NDUFA10: variants seen among roughly 807,000 people sequenced by gnomAD.
NDUFA10 encodes the protein NADH:ubiquinone oxidoreductase subunit A10, also known as NADH dehydrogenase [ubiquinone] 1 alpha subcomplex subunit 10, mitochondrial.
NDUFA10 carries 40 observed loss-of-function variants against 47.8 expected under a neutral mutation model. The observed-to-expected ratio is 0.84, with a 90% CI of 0.65 to 1.09. The LOEUF is 1.09. Among genes scored for constraint, NDUFA10 ranks in the 50% least tolerant of loss-of-function variants. NDUFA10 has a pLI of 0.00. For missense variants in NDUFA10, 413 were observed against 451.1 expected (o/e 0.92, Z 0.76); for synonymous variants, 183 against 172.2 (o/e 1.06, Z -0.49).
chr2:239,902,441 A>G (rs1366806417), intron 4 of NDUFA10, among the ~76,000 whole-genome samples: 1 of 152,232 alleles, frequency 6.6e-6, no homozygotes, highest in Non-Finnish European at 1.5e-5. Flanking sequence ...AGGTATGCAC[A>G]TTGTTTTTGT....
intron 4 of NDUFA10, among the ~76,000 whole-genome samples, chr2:239,897,064 A>G (rs1693412173): frequency 6.6e-6 from 1 of 152,226 alleles, no homozygotes; most frequent in South Asian, 2.1e-4. Flanking sequence ...TAATTACCTT[A>G]TTTTGCAATA....
intron 4 of NDUFA10, among the ~76,000 whole-genome samples, chr2:239,943,739 T>C (rs1339758489): frequency 6.6e-6 from 1 of 152,108 alleles, no homozygotes; most frequent in Non-Finnish European, 1.5e-5. Flanking sequence ...GGCACAGCAC[T>C]GGCATCCCCT....
chr2:239,996,460 T>C (rs151212256), intron 8 of NDUFA10, among the ~76,000 whole-genome samples: 121 of 152,330 alleles, frequency 7.9e-4, no homozygotes, highest in African/African-American at 2.8e-3. Flanking sequence ...AGAAAAAGTC[T>C]CAAAATATTT....
At chr2:239,934,880 C>T (rs1437132507) in intron 4 of NDUFA10, among the ~76,000 whole-genome samples, 1 of 152,184 alleles carries the variant, frequency 6.6e-6, no homozygotes, top group African/African-American at 2.4e-5. Flanking sequence ...AACCCCACTC[C>T]CTCTCGCTCA....
At chr2:239,907,545 T>G (rs550518412) in intron 4 of NDUFA10, among the ~76,000 whole-genome samples, 1 of 152,148 alleles carries the variant, frequency 6.6e-6, no homozygotes, top group African/African-American at 2.4e-5. Flanking sequence ...TTAAACAAAT[T>G]TACAAGAAAA....
intron 4 of NDUFA10, among the ~76,000 whole-genome samples, chr2:239,916,713 C>T (rs1017208948): frequency 6.6e-6 from 1 of 152,262 alleles, no homozygotes; most frequent in Admixed American, 6.5e-5. Flanking sequence ...CAGGACGGCA[C>T]CTTGTGCTGC....
chr2:239,951,664 G>C (rs1407755957), intron 4 of NDUFA10, among the ~76,000 whole-genome samples: 1 of 152,206 alleles, frequency 6.6e-6, no homozygotes, highest in East Asian at 1.9e-4. Context: ...AAAAAACAGG[G>C]TCTAGGAAGA....
At chr2:239,977,498 C>G (rs1695579263) in intron 9 of NDUFA10, among the ~76,000 whole-genome samples, 1 of 152,226 alleles carries the variant, frequency 6.6e-6, no homozygotes, top group East Asian at 1.9e-4. Context: ...TCACAGGGAC[C>G]TGAACCACTG....
At chr2:240,007,168 T>G (rs183709834) in intron 7 of NDUFA10, 148 bp downstream of exon 7, 1 of 675,412 alleles carries the variant, frequency 1.5e-6, no homozygotes, top group African/African-American at 1.8e-5. Flanking sequence ...GGGAGTGTGA[T>G]GATGGGTTTG....
chr2:239,963,540 G>A (rs1422763028), intron 9 of NDUFA10, among the ~76,000 whole-genome samples: 1 of 152,242 alleles, frequency 6.6e-6, no homozygotes, highest in African/African-American at 2.4e-5. Context: ...TGGCCTCAAA[G>A]GGCCTGACGG....
At chr2:240,003,792 T>G (rs1696827909) in intron 8 of NDUFA10, among the ~76,000 whole-genome samples, 1 of 151,640 alleles carries the variant, frequency 6.6e-6, no homozygotes, top group Admixed American at 6.6e-5. Context: ...AGGGGGTGGG[T>G]GGTGGAGGAC....
chr2:239,974,516 T>G (rs1030028730), intron 9 of NDUFA10, among the ~76,000 whole-genome samples: 1 of 152,238 alleles, frequency 6.6e-6, no homozygotes, highest in Non-Finnish European at 1.5e-5. Context: ...CCCCTCCAAA[T>G]CTCATGCTGA....
chr2:239,963,346 AG>A (rs1056907300), intron 9 of NDUFA10, among the ~76,000 whole-genome samples: 6 of 152,206 alleles, frequency 3.9e-5, no homozygotes, highest in South Asian at 2.1e-4. Flanking sequence ...CTCCAGGGCC[AG>A]GGGGATCCCC....
chr2:239,907,243 T>G (rs1447578848), intron 4 of NDUFA10, among the ~76,000 whole-genome samples: 1 of 152,218 alleles, frequency 6.6e-6, no homozygotes, highest in Non-Finnish European at 1.5e-5. Flanking sequence ...CCTTACACCT[T>G]ATACAAAAAT....
Position 239,893,762 on chromosome 2 carries a change from C to G in NDUFA10, c.*15-1055G>C, listed in dbSNP as rs78529320. Among the ~76,000 whole-genome samples the G allele has an allele frequency of 4.0e-3, 606 of 152,330 alleles. 6 individuals are homozygous for G. Among genetic ancestry groups the G allele is most frequent in the African/African-American group, 0.014 (575 of 41,572 alleles). ...TTTGAGGGGACACACATCATTCAAACCACGCAGTGGGAGTGGGAAGCACGG... is the reference window on the plus strand; with the variant it reads ...TTTGAGGGGACACACATCATTCAAAGCACGCAGTGGGAGTGGGAAGCACGG... On this transcript the variant is annotated intron_variant, in intron 5 of 5. Transcript: ENST00000419408.
chr2:239,919,999 C>T lies in NDUFA10; in HGVS notation c.295-24685G>A, dbSNP rs149526246. ...AGGTGCAGTACTGTGTGTGCCCCAGCACCTGTGAGATTGGGGGCCCCCTCA... is the reference window on the plus strand; with the variant it reads ...AGGTGCAGTACTGTGTGTGCCCCAGTACCTGTGAGATTGGGGGCCCCCTCA... On this transcript the variant is annotated intron_variant, in intron 4 of 5. Transcript: ENST00000419408. Among the ~76,000 whole-genome samples, 713 of 152,284 alleles carry T rather than the reference C, an allele frequency of 4.7e-3. 12 individuals carry two copies. The highest frequency in any genetic ancestry group is 1.8e-3 in the Non-Finnish European group (122 of 68,002).
In NDUFA10 at chr2:239,958,031, A is replaced by G. The variant is rs1175009009; in HGVS notation, c.*3087T>C. 1 of 152,142 alleles carries G rather than the reference A, an allele frequency of 6.6e-6. No individual in the cohort carries two copies. Among genetic ancestry groups the G allele is most frequent in the Non-Finnish European group, 1.5e-5 (1 of 68,032 alleles). 9.4% of individuals were successfully genotyped at this position (152,142 alleles called of 1,614,324 possible). On this transcript the variant is annotated 3_prime_UTR_variant, in exon 10 of 10. Coordinates refer to ENST00000252711, the MANE Select transcript of NDUFA10 (RefSeq NM_004544.4). ...TGTTTTCTGGCTCATGATTTTCCTAAAGCAAAGCCTCAGGCTCCCGGCTTC... is the reference window on the plus strand; with the variant it reads ...TGTTTTCTGGCTCATGATTTTCCTAGAGCAAAGCCTCAGGCTCCCGGCTTC...
intron 4 of NDUFA10, among the ~76,000 whole-genome samples, chr2:239,902,942 G>A (rs1055274324): frequency 1.3e-5 from 2 of 152,190 alleles, no homozygotes; most frequent in Admixed American, 1.3e-4. Flanking sequence ...CAGGAGCCCA[G>A]CCAATATTTG....
At chr2:239,923,488 A>C (rs1694021336) in intron 4 of NDUFA10, among the ~76,000 whole-genome samples, 1 of 152,220 alleles carries the variant, frequency 6.6e-6, no homozygotes, top group South Asian at 2.1e-4. Context: ...GAGTATCTCA[A>C]AGCACTTGAA....
Sources: gnomAD v4.1 joint callset for allele counts (sites outside exome capture counted in the v4.1 genomes callset) on GRCh38, gnomAD v4.1.1 for gene constraint, MANE v1.5 for transcripts, NCBI Gene and HGNC (gene_info 2026-07-23, HGNC 2026-07-21) for gene names.